The following GOLGA4 variants were observed in gnomAD, a reference collection of about 807,000 sequenced individuals.
GOLGA4 encodes the protein golgin subfamily A member 4.
GOLGA4 carries 169 observed loss-of-function variants against 265.9 expected under a neutral mutation model. The observed-to-expected ratio is 0.64, with a 90% CI of 0.56 to 0.72. The LOEUF is 0.72. Ranked by LOEUF, GOLGA4 falls within the 30% of genes least tolerant of loss-of-function variation. The pLI is 0.00. For missense variants in GOLGA4, 2,482 were observed against 2,483.4 expected (o/e 1.00, Z 0.01); for synonymous variants, 923 against 855.8 (o/e 1.08, Z -1.37).
intron 10 of GOLGA4, among the ~76,000 whole-genome samples, chr3:37,307,870 C>G (rs2096911275): frequency 1.3e-5 from 2 of 152,138 alleles, no homozygotes; most frequent in African/African-American, 4.8e-5. Context: ...TTAGCTTTAG[C>G]TTAATATTTT....
At chr3:37,293,006 G>A (rs534051612) in intron 5 of GOLGA4, among the ~76,000 whole-genome samples, 8 of 152,190 alleles carry the variant, frequency 5.3e-5, no homozygotes, top group Non-Finnish European at 7.3e-5. Flanking sequence ...TGTTTTGCTC[G>A]GGCAATTCTT....
chr3:37,274,005 C>T lies in GOLGA4; in HGVS notation c.163-7953C>T, dbSNP rs114151794. 6.0e-3 allele frequency among the ~76,000 whole-genome samples: 903 copies of T among 150,418 alleles called. 6 individuals are homozygous for T. The highest frequency in any genetic ancestry group is 0.021 in the African/African-American group (854 of 40,928). ...ATCCCAGCTACTTAGTTGGCTGAAGCGTGAGAATCGCTTGAACCCAGGAGG... is the reference window on the plus strand; with the variant it reads ...ATCCCAGCTACTTAGTTGGCTGAAGTGTGAGAATCGCTTGAACCCAGGAGG... On this transcript the variant is annotated intron_variant, in intron 2 of 23. Coordinates refer to ENST00000361924, the MANE Select transcript of GOLGA4 (RefSeq NM_002078.5).
At chr3:37,364,404 CTTA>C (rs1559482113) in intron 23 of GOLGA4, among the ~76,000 whole-genome samples, 1 of 151,738 alleles carries the variant, frequency 6.6e-6, no homozygotes, top group African/African-American at 2.4e-5. Flanking sequence ...CCACACCCAG[CTTA>C]TTTTTTGTAT....
intron 8 of GOLGA4, 32 bp downstream of exon 8, chr3:37,299,052 A>G: frequency 1.3e-6 from 2 of 1,512,574 alleles, no homozygotes; most frequent in Non-Finnish European, 1.8e-6. Context: ...GTTCTAATTT[A>G]ATCTATAAAG....
intron 16 of GOLGA4, chr3:37,329,344 G>A (rs1394150677): frequency 3.8e-6 from 1 of 261,144 alleles, no homozygotes; most frequent in Non-Finnish European, 7.1e-6. Flanking sequence ...TGAAGCAACA[G>A]TAGATACTAA....
At chr3:37,358,637 A>G (rs773046097) in intron 22 of GOLGA4, among the ~76,000 whole-genome samples, 5 of 152,210 alleles carry the variant, frequency 3.3e-5, no homozygotes, top group Admixed American at 1.3e-4. Flanking sequence ...GCGCTGAGTG[A>G]TAATGTAGGG....
intron 13 of GOLGA4, among the ~76,000 whole-genome samples, chr3:37,322,126 G>A (rs1219911070): frequency 6.6e-6 from 1 of 152,106 alleles, no homozygotes; most frequent in South Asian, 2.1e-4. Context: ...CACTCAGTCT[G>A]CTGCTTTTCA....
At chr3:37,250,032 G>A (rs1196265399) in intron 1 of GOLGA4, 2 of 152,204 alleles carry the variant, frequency 1.3e-5, no homozygotes, top group Non-Finnish European at 2.9e-5. Context: ...TGGAGCTCAG[G>A]TTACCCTGTC....
At chr3:37,346,925 G>A (rs547382315) in intron 20 of GOLGA4, among the ~76,000 whole-genome samples, 1 of 152,174 alleles carries the variant, frequency 6.6e-6, no homozygotes, top group African/African-American at 2.4e-5. Context: ...CCAAAGTAAT[G>A]TACAATTACA....
chr3:37,257,998 TATATATACATAC>T (rs1560280316), intron 2 of GOLGA4, among the ~76,000 whole-genome samples: 7 of 80,200 alleles, frequency 8.7e-5, no homozygotes, highest in South Asian at 2.8e-4. Flanking sequence ...TGTATATATG[TATATATACATAC>T]ATATATATAT....
intron 2 of GOLGA4, among the ~76,000 whole-genome samples, chr3:37,273,787 A>G (rs2096805486): frequency 6.6e-6 from 1 of 152,210 alleles, no homozygotes; most frequent in African/African-American, 2.4e-5. Flanking sequence ...GCAAGACTGT[A>G]TTATTTCTCA....
chr3:37,317,765 T>A (rs2096942008), intron 11 of GOLGA4, among the ~76,000 whole-genome samples: 1 of 152,188 alleles, frequency 6.6e-6, no homozygotes, highest in Non-Finnish European at 1.5e-5. Flanking sequence ...AATCCTTGAC[T>A]CACTTTTCTA....
rs2150966248 is a variant in GOLGA4, at chr3:37,325,695, C to G, written c.3809C>G (p.Thr1270Arg). Reference protein sequence around the residue: ...VKEALLIKTCTVSELEAQLRQ... With the variant: ...VKEALLIKTCRVSELEAQLRQ... Reference sequence around the variant, plus strand: ...GAGGCACTGTTAATTAAAACTTGCACAGTTTCTGAATTAGAAGCACAACTT... The same window carrying G: ...GAGGCACTGTTAATTAAAACTTGCAGAGTTTCTGAATTAGAAGCACAACTT... The change falls in exon 14 of 24, where the codon ACA becomes AGA. Residue 1270 changes from threonine to arginine, a missense_variant. Coordinates refer to ENST00000361924, the MANE Select transcript of GOLGA4 (RefSeq NM_002078.5). 6.2e-7 allele frequency: 1 copy of G among 1,613,496 alleles called. No individual in the cohort carries two copies. Among genetic ancestry groups the G allele is most frequent in the Non-Finnish European group, 8.5e-7 (1 of 1,179,460 alleles).
intron 2 of GOLGA4, chr3:37,276,712 G>A: frequency 3.0e-6 from 3 of 997,850 alleles, no homozygotes; most frequent in Non-Finnish European, 4.6e-6. Context: ...AGCAACTTGA[G>A]TTAGACTTTG....
At chr3:37,357,936 A>G in intron 22 of GOLGA4, among the ~76,000 whole-genome samples, 1 of 152,198 alleles carries the variant, frequency 6.6e-6, no homozygotes, top group East Asian at 1.9e-4. Flanking sequence ...CTTCAAATGG[A>G]TCTTTTCTGT....
intron 7 of GOLGA4, among the ~76,000 whole-genome samples, chr3:37,297,391 A>G (rs2096881331): frequency 6.6e-6 from 1 of 151,682 alleles, no homozygotes; most frequent in South Asian, 2.1e-4. Flanking sequence ...AGATGGAGAA[A>G]GTTGCACTTA....
chr3:37,324,335 T>C lies in GOLGA4; in HGVS notation c.2449T>C (p.Tyr817His). 6.2e-7 allele frequency: 1 copy of C among 1,614,148 alleles called. No individual in the cohort carries two copies. The highest frequency in any genetic ancestry group is 8.5e-7 in the Non-Finnish European group (1 of 1,180,024). ...QSATHEQTKA[Y>H]EEQLAQLQQK... ...TGCCACACATGAGCAGACAAAAGCATATGAGGAACAGTTGGCCCAATTGCA... is the reference window on the plus strand; with the variant it reads ...TGCCACACATGAGCAGACAAAAGCACATGAGGAACAGTTGGCCCAATTGCA... The change falls in exon 14 of 24, where the codon TAT becomes CAT. Residue 817 changes from tyrosine to histidine, a missense_variant. Around this residue, in one of 3 missense-constraint regions of GOLGA4, gnomAD observed 1,536 missense variants for 1,483.7 expected, o/e 1.04. Transcript: ENST00000361924.
intron 11 of GOLGA4, among the ~76,000 whole-genome samples, chr3:37,318,167 C>G (rs1204888275): frequency 6.6e-6 from 1 of 152,008 alleles, no homozygotes; most frequent in Admixed American, 6.5e-5. Flanking sequence ...CAAATGGTCT[C>G]CAAATCATTT....
chr3:37,270,644 A>C (rs2096796130), intron 2 of GOLGA4, among the ~76,000 whole-genome samples: 1 of 152,002 alleles, frequency 6.6e-6, no homozygotes, highest in Non-Finnish European at 1.5e-5. Flanking sequence ...CTTTCTCCAT[A>C]ATTTGTTTAT....
Sources: gnomAD v4.1 joint callset for allele counts (sites outside exome capture counted in the v4.1 genomes callset) on GRCh38, gnomAD v4.1.1 for gene constraint, gnomAD v4.1.1 regional missense constraint, MANE v1.5 for transcripts, NCBI Gene and HGNC (gene_info 2026-07-23, HGNC 2026-07-21) for gene names.